The following GUCY1A1 variants were observed in gnomAD, a reference collection of about 807,000 sequenced individuals.
The protein encoded by GUCY1A1 is guanylate cyclase 1 soluble subunit alpha 1.
GUCY1A1 carries 48 observed loss-of-function variants against 64.5 expected under a neutral mutation model. The observed-to-expected ratio is 0.74, with a 90% CI of 0.59 to 0.95. GUCY1A1 has a LOEUF of 0.95. Among genes scored for constraint, GUCY1A1 ranks in the 40% least tolerant of loss-of-function variants. The pLI, the probability that GUCY1A1 is intolerant of heterozygous loss-of-function variation, is 0.00. For synonymous variants in GUCY1A1, 308 were observed against 303.4 expected (o/e 1.02, Z -0.16); for missense variants, 804 against 825.3 (o/e 0.97, Z 0.32).
intron 3 of GUCY1A1, among the ~76,000 whole-genome samples, chr4:155,701,692 TACTTGGGAG>T (rs1196476382): frequency 6.6e-6 from 1 of 151,634 alleles, no homozygotes; most frequent in African/African-American, 2.4e-5. Flanking sequence ...TAGTCCCAGC[TACTTGGGAG>T]GCTGAGGCAA....
intron 2 of GUCY1A1, among the ~76,000 whole-genome samples, chr4:155,692,827 G>A (rs1025532881): frequency 6.6e-6 from 1 of 152,184 alleles, no homozygotes; most frequent in African/African-American, 2.4e-5. Flanking sequence ...GGGAGACTGA[G>A]GCACGTGGAT....
chr4:155,719,961 T>G (rs1159989581), intron 8 of GUCY1A1, among the ~76,000 whole-genome samples: 1 of 152,152 alleles, frequency 6.6e-6, no homozygotes, highest in Non-Finnish European at 1.5e-5. Flanking sequence ...TGAAAAGAGA[T>G]ATGCTCAGGG....
chr4:155,725,112 C>T (rs1246114659), intron 9 of GUCY1A1, among the ~76,000 whole-genome samples: 1 of 152,058 alleles, frequency 6.6e-6, no homozygotes. Flanking sequence ...CAGTTCACAC[C>T]TGTATCTGAA....
intron 8 of GUCY1A1, among the ~76,000 whole-genome samples, 200 bp downstream of exon 8, chr4:155,717,502 G>T (rs550313147): frequency 2.0e-5 from 3 of 152,246 alleles, no homozygotes; most frequent in African/African-American, 7.2e-5. Flanking sequence ...CAGAATCATT[G>T]AGAGGACAGA....
chr4:155,700,111 T>A (rs1730892378), intron 3 of GUCY1A1, among the ~76,000 whole-genome samples: 1 of 152,152 alleles, frequency 6.6e-6, no homozygotes, highest in African/African-American at 2.4e-5. Context: ...TTTGCTCTTT[T>A]TTCATGGGTA....
At chr4:155,705,133 C>T (rs1731566515) in intron 4 of GUCY1A1, among the ~76,000 whole-genome samples, 1 of 152,240 alleles carries the variant, frequency 6.6e-6, no homozygotes, top group African/African-American at 2.4e-5. Context: ...CTCAAGCATT[C>T]ACCCGCGTTG....
At chr4:155,702,068 G>A (rs935553835) in intron 3 of GUCY1A1, among the ~76,000 whole-genome samples, 1 of 151,892 alleles carries the variant, frequency 6.6e-6, no homozygotes, top group Non-Finnish European at 1.5e-5. Context: ...ATCTCCTATG[G>A]ATAGGTACCA....
At chr4:155,684,585 TCTG>T (rs1247523939) in intron 2 of GUCY1A1, among the ~76,000 whole-genome samples, 2 of 152,160 alleles carry the variant, frequency 1.3e-5, no homozygotes, top group Non-Finnish European at 2.9e-5. Context: ...CAAAGAAACA[TCTG>T]CTGAGTCTCC....
At chr4:155,724,743 C>T (rs1288297496) in intron 9 of GUCY1A1, among the ~76,000 whole-genome samples, 5 of 152,064 alleles carry the variant, frequency 3.3e-5, no homozygotes, top group African/African-American at 1.2e-4. Flanking sequence ...TGTATCTGAA[C>T]TTTTATGACT....
intron 2 of GUCY1A1, among the ~76,000 whole-genome samples, chr4:155,669,058 G>A (rs1046466055): frequency 6.6e-6 from 1 of 152,042 alleles, no homozygotes; most frequent in African/African-American, 2.4e-5. Context: ...AAAACAACAG[G>A]CTGTCTACAT....
At chr4:155,722,388 G>T in intron 9 of GUCY1A1, 196 bp downstream of exon 9, 1 of 1,392,606 alleles carries the variant, frequency 7.2e-7, no homozygotes, top group Non-Finnish European at 9.3e-7. Flanking sequence ...ACTTGCCTGA[G>T]GTGTTTGTGG....
chr4:155,684,086 A>G (rs1244280314), intron 2 of GUCY1A1, among the ~76,000 whole-genome samples: 1 of 152,214 alleles, frequency 6.6e-6, no homozygotes, highest in Non-Finnish European at 1.5e-5. Flanking sequence ...TATTATGCAA[A>G]TGACTCTGTC....
intron 2 of GUCY1A1, among the ~76,000 whole-genome samples, chr4:155,696,322 A>C (rs969091773): frequency 4.6e-5 from 7 of 152,032 alleles, no homozygotes; most frequent in South Asian, 2.1e-4. Context: ...TTTGGAAGCC[A>C]TTGGTTTTTA....
intron 3 of GUCY1A1, among the ~76,000 whole-genome samples, chr4:155,697,357 A>G (rs1242246554): frequency 1.3e-5 from 2 of 152,156 alleles, no homozygotes; most frequent in Non-Finnish European, 2.9e-5. Flanking sequence ...CAGTCTGACA[A>G]ACTTTATGAT....
chr4:155,684,951 A>C (rs1251860899), intron 2 of GUCY1A1, among the ~76,000 whole-genome samples: 1 of 152,172 alleles, frequency 6.6e-6, no homozygotes, highest in African/African-American at 2.4e-5. Context: ...TAACAGATAC[A>C]ATTTAGTCTT....
At chr4:155,727,830 A>G (rs556857826) in intron 9 of GUCY1A1, among the ~76,000 whole-genome samples, 1 of 151,940 alleles carries the variant, frequency 6.6e-6, no homozygotes, top group East Asian at 1.9e-4. Context: ...AAACTCTTAC[A>G]TGGTCCCTGT....
At chr4:155,689,878 A>G (rs1050007033) in intron 2 of GUCY1A1, among the ~76,000 whole-genome samples, 6 of 152,180 alleles carry the variant, frequency 3.9e-5, no homozygotes, top group African/African-American at 1.4e-4. Flanking sequence ...GAGAATCATC[A>G]GTATGGGCTC....
At chr4:155,673,890 C>T (rs1349879718) in intron 2 of GUCY1A1, among the ~76,000 whole-genome samples, 1 of 151,480 alleles carries the variant, frequency 6.6e-6, no homozygotes, top group African/African-American at 2.5e-5. Context: ...ATTATGTTTT[C>T]CTGTAACACA....
chr4:155,723,792 A>G (rs1417985221), intron 9 of GUCY1A1, among the ~76,000 whole-genome samples: 1 of 151,970 alleles, frequency 6.6e-6, no homozygotes, highest in Non-Finnish European at 1.5e-5. Flanking sequence ...CCTCCCAAGT[A>G]GGTGGGATTA....
Sources: gnomAD v4.1 joint callset for allele counts (sites outside exome capture counted in the v4.1 genomes callset) on GRCh38, gnomAD v4.1.1 for gene constraint, MANE v1.5 for transcripts, NCBI Gene and HGNC (gene_info 2026-07-23, HGNC 2026-07-21) for gene names.